MGAT4D: variants seen among roughly 807,000 people sequenced by gnomAD.
MGAT4D encodes the protein alpha-1,3-mannosyl-glycoprotein 4-beta-N-acetylglucosaminyltransferase-like protein MGAT4D.
A neutral mutation model predicts 15.9 loss-of-function variants in MGAT4D; 34 were observed. The observed-to-expected ratio is 2.14, with a 90% CI of 1.62 to 2.84. MGAT4D has a LOEUF of 2.84. Ranked by LOEUF, MGAT4D falls within the 30% of genes most tolerant of loss-of-function variation. MGAT4D has a pLI of 0.00. For missense variants in MGAT4D, 327 were observed against 140.2 expected, an observed-to-expected ratio of 2.33 and a Z score of -6.73; for synonymous variants, 112 against 48.2, an observed-to-expected ratio of 2.33 and a Z score of -5.49.
chr4:140,493,020 G>A (rs1467946664), intron 1 of MGAT4D, among the ~76,000 whole-genome samples: 1 of 152,078 alleles, frequency 6.6e-6, no homozygotes, highest in African/African-American at 2.4e-5. Context: ...AGTGAATTGG[G>A]TACTGTATGT....
chr4:140,488,922 T>C (rs1313975425), intron 1 of MGAT4D, among the ~76,000 whole-genome samples: 1 of 152,128 alleles, frequency 6.6e-6, no homozygotes, highest in African/African-American at 2.4e-5. Flanking sequence ...CCTTCTGTTA[T>C]GAGTAAAAGC....
chr4:140,454,754 A>G (rs566102938), intron 9 of MGAT4D, among the ~76,000 whole-genome samples: 3 of 152,302 alleles, frequency 2.0e-5, no homozygotes, highest in African/African-American at 7.2e-5. Context: ...TTTAAAAATA[A>G]TAATTTAATT....
chr4:140,461,064 C>CT (rs1309616128), intron 7 of MGAT4D, among the ~76,000 whole-genome samples: 1 of 152,102 alleles, frequency 6.6e-6, no homozygotes, highest in Non-Finnish European at 1.5e-5. Context: ...AATGAGTTTT[C>CT]TTTTTTATTT....
chr4:140,458,726 T>C (rs1271441309), intron 8 of MGAT4D: 1 of 152,182 alleles, frequency 6.6e-6, no homozygotes, highest in Non-Finnish European at 1.5e-5. Context: ...AATAGGAATA[T>C]ACAAACATGA....
At position 140,443,398 on chromosome 4, in the gene MGAT4D, G is replaced by T; in HGVS notation, c.*38C>A. The T allele has an allele frequency of 2.0e-6, 1 of 509,276 alleles. No individual in the cohort carries two copies. 31.5% of individuals were successfully genotyped at this position (509,276 alleles called of 1,614,324 possible). A position where few individuals can be genotyped will look rare whatever the true frequency, so the allele number is the denominator to read the frequency against. Reference sequence around the variant, plus strand: ...ATGCCATTAGATATCAAGGTTATCTGAGGTTCCAGGTATTACAGAGTTTCT... The same window carrying T: ...ATGCCATTAGATATCAAGGTTATCTTAGGTTCCAGGTATTACAGAGTTTCT... On this transcript the variant is annotated 3_prime_UTR_variant, in exon 11 of 11. Coordinates refer to ENST00000511113, the MANE Select transcript of MGAT4D (RefSeq NM_001277353.2).
At chr4:140,473,894 G>T (rs1732145303) in intron 4 of MGAT4D, among the ~76,000 whole-genome samples, 1 of 151,588 alleles carries the variant, frequency 6.6e-6, no homozygotes, top group Non-Finnish European at 1.5e-5. Flanking sequence ...AGAGATGGGG[G>T]TCTCGCTATG....
At chr4:140,468,546 T>C (rs1731701037) in intron 5 of MGAT4D, among the ~76,000 whole-genome samples, 1 of 152,208 alleles carries the variant, frequency 6.6e-6, no homozygotes, top group South Asian at 2.1e-4. Context: ...TAGCATAGAT[T>C]GAAGCCACTT....
chr4:140,445,674 A>T (rs1376420435), intron 10 of MGAT4D, among the ~76,000 whole-genome samples: 2 of 152,124 alleles, frequency 1.3e-5, no homozygotes, highest in Admixed American at 1.3e-4. Context: ...TTTACATTTA[A>T]GGCTTTAATC....
At chr4:140,485,418 G>A (rs1328345323) in intron 1 of MGAT4D, among the ~76,000 whole-genome samples, 2 of 151,886 alleles carry the variant, frequency 1.3e-5, no homozygotes, top group Admixed American at 6.6e-5. Context: ...GGGGTAGGGG[G>A]TAGGGATAGC....
chr4:140,451,345 C>T, intron 10 of MGAT4D, 65 bp downstream of exon 10: 1 of 477,034 alleles, frequency 2.1e-6, no homozygotes. Flanking sequence ...CACTTCTTTT[C>T]TAAATAGTAT....
At chr4:140,496,465 T>C (rs1388136826) in intron 1 of MGAT4D, among the ~76,000 whole-genome samples, 4 of 152,196 alleles carry the variant, frequency 2.6e-5, no homozygotes, top group East Asian at 3.8e-4. Flanking sequence ...ACCAAAATGA[T>C]TGTAAGGATC....
chr4:140,448,329 G>A (rs772701983), intron 10 of MGAT4D, among the ~76,000 whole-genome samples: 7 of 152,042 alleles, frequency 4.6e-5, no homozygotes, highest in Non-Finnish European at 1.0e-4. Flanking sequence ...TGTCTTATTC[G>A]GTGATGCTAG....
chr4:140,453,648 C>T (rs1169402280), intron 9 of MGAT4D, among the ~76,000 whole-genome samples: 2 of 151,654 alleles, frequency 1.3e-5, no homozygotes, highest in African/African-American at 2.4e-5. Flanking sequence ...GTAAATTTCC[C>T]CCATGCTGTT....
rs1009338391 is a variant in MGAT4D, at chr4:140,482,483, T to A, written c.97A>T (p.Asn33Tyr). The A allele has an allele frequency of 4.1e-5, 26 of 630,952 alleles. No homozygotes were observed. The highest frequency in any genetic ancestry group is 6.9e-5 in the Non-Finnish European group (25 of 359,748). The allele number at this position is 630,952 out of a possible 1,614,324, so 39.1% of individuals were successfully genotyped here. Residue 33 changes from asparagine to tyrosine, a missense_variant and splice_region_variant, in exon 2 of 11, where the codon AAT (asparagine) becomes TAT (tyrosine). Physicochemically the swap from Asn to Tyr is moderately radical, Grantham distance 143 (BLOSUM62 -2). Coordinates refer to ENST00000511113, the MANE Select transcript of MGAT4D (RefSeq NM_001277353.2). ...TGGTTTCTACAGTTAATTAATTGATTATCTGCAATGAAAACATATGTATAT... is the reference window on the plus strand; with the variant it reads ...TGGTTTCTACAGTTAATTAATTGATAATCTGCAATGAAAACATATGTATAT... ...FSIYRITQTNNQLINCRNHIL... is the reference protein window; with the variant it reads ...FSIYRITQTNYQLINCRNHIL...
intron 1 of MGAT4D, among the ~76,000 whole-genome samples, chr4:140,495,236 C>T (rs1733763124): frequency 6.6e-6 from 1 of 152,200 alleles, no homozygotes; most frequent in Admixed American, 6.5e-5. Flanking sequence ...ATGATGCTTC[C>T]TCGTTTCATT....
At chr4:140,456,532 C>A in intron 9 of MGAT4D, 57 bp downstream of exon 9, 1 of 518,626 alleles carries the variant, frequency 1.9e-6, no homozygotes, top group African/African-American at 2.0e-5. Flanking sequence ...TAGGTAATTA[C>A]GTTGGATAGA....
intron 6 of MGAT4D, 135 bp downstream of exon 6, chr4:140,464,761 G>A: frequency 3.3e-6 from 2 of 604,602 alleles, no homozygotes; most frequent in East Asian, 2.7e-5. Flanking sequence ...GATGCACATA[G>A]TTGGGTCTTG....
intron 1 of MGAT4D, among the ~76,000 whole-genome samples, chr4:140,495,696 A>T (rs1733791422): frequency 6.6e-6 from 1 of 152,198 alleles, no homozygotes; most frequent in Non-Finnish European, 1.5e-5. Context: ...CAAAAAGGTT[A>T]TCTATCCATA....
intron 1 of MGAT4D, among the ~76,000 whole-genome samples, chr4:140,493,580 C>T (rs1733648041): frequency 6.6e-6 from 1 of 152,226 alleles, no homozygotes; most frequent in Admixed American, 6.5e-5. Context: ...CAGGCATGAG[C>T]CACCGTGCCT....
Sources: allele counts gnomAD v4.1 joint callset (sites outside exome capture counted in the v4.1 genomes callset), GRCh38; gene constraint gnomAD v4.1.1; transcripts MANE v1.5; gene names NCBI Gene and HGNC (gene_info 2026-07-23, HGNC 2026-07-21).